The following LRFN5 variants were observed in gnomAD, a reference collection of about 807,000 sequenced individuals.
LRFN5 encodes the protein leucine-rich repeat and fibronectin type-III domain-containing protein 5.
Under a neutral mutation model 45.6 loss-of-function variants are expected in LRFN5, and 24 were observed. That is an observed-to-expected ratio of 0.53 (90% CI 0.38 to 0.74). LRFN5 has a LOEUF of 0.74. Ranked by LOEUF, LRFN5 falls within the 30% of genes least tolerant of loss-of-function variation. The pLI, the probability that LRFN5 is intolerant of heterozygous loss-of-function variation, is 0.00. For synonymous variants in LRFN5, 340 were observed against 313.8 expected (o/e 1.08, Z -0.88); for missense variants, 776 against 861.5 (o/e 0.90, Z 1.24).
chr14:41,624,693 T>C (rs552294034), intron 1 of LRFN5, among the ~76,000 whole-genome samples: 2 of 152,218 alleles, frequency 1.3e-5, no homozygotes, highest in South Asian at 2.1e-4. Flanking sequence ...GGAACCTTAA[T>C]TGAAGTGCAG....
intron 2 of LRFN5, among the ~76,000 whole-genome samples, chr14:41,883,523 C>T (rs1890460857): frequency 6.6e-6 from 1 of 152,124 alleles, no homozygotes; most frequent in Non-Finnish European, 1.5e-5. Context: ...AACTGTTTCT[C>T]TTAAAATTTC....
chr14:41,731,256 T>G (rs1884163805), intron 1 of LRFN5: 1 of 151,132 alleles, frequency 6.6e-6, no homozygotes. Context: ...ATCATATGAA[T>G]TTACGGGATC....
intron 2 of LRFN5, among the ~76,000 whole-genome samples, chr14:41,875,677 GA>G (rs1890161828): frequency 6.6e-6 from 1 of 152,166 alleles, no homozygotes; most frequent in South Asian, 2.1e-4. Flanking sequence ...ACTTACCAAA[GA>G]AAAATGAATG....
intron 2 of LRFN5, among the ~76,000 whole-genome samples, chr14:41,813,865 A>G (rs1205313069): frequency 6.6e-6 from 1 of 151,774 alleles, no homozygotes; most frequent in African/African-American, 2.4e-5. Context: ...TTGCTTCCTG[A>G]CTTTTTAATC....
intron 2 of LRFN5, among the ~76,000 whole-genome samples, chr14:41,801,641 G>T (rs561275624): frequency 6.6e-6 from 1 of 152,122 alleles, no homozygotes; most frequent in African/African-American, 2.4e-5. Context: ...CTTGAATCTC[G>T]CAGCCTGTGC....
intron 2 of LRFN5, among the ~76,000 whole-genome samples, chr14:41,820,824 T>A (rs1888088833): frequency 6.6e-6 from 1 of 152,004 alleles, no homozygotes; most frequent in African/African-American, 2.4e-5. Context: ...ATTGTACAGA[T>A]CTTCACCTCC....
intron 1 of LRFN5, among the ~76,000 whole-genome samples, chr14:41,681,047 A>G (rs1881861657): frequency 6.6e-6 from 1 of 152,080 alleles, no homozygotes; most frequent in Non-Finnish European, 1.5e-5. Context: ...GAGTTTGAAT[A>G]CAGGCTATTT....
chr14:41,671,657 C>G (rs1460525224), intron 1 of LRFN5, among the ~76,000 whole-genome samples: 5 of 85,398 alleles, frequency 5.9e-5, no homozygotes, highest in African/African-American at 2.6e-4. Flanking sequence ...CCTCTTATTG[C>G]CCAGGCTGGA....
At chr14:41,728,084 T>A (rs975765015) in intron 1 of LRFN5, among the ~76,000 whole-genome samples, 1 of 152,160 alleles carries the variant, frequency 6.6e-6, no homozygotes, top group Non-Finnish European at 1.5e-5. Flanking sequence ...CTGGTAATGA[T>A]TTTGGCAATA....
chr14:41,890,372 A>C (rs894972922), intron 3 of LRFN5, among the ~76,000 whole-genome samples: 1 of 152,138 alleles, frequency 6.6e-6, no homozygotes, highest in African/African-American at 2.4e-5. Flanking sequence ...AACGCAGTCC[A>C]AGTGTTGACT....
At chr14:41,892,682 T>C (rs1890825359) in intron 4 of LRFN5, 2 of 985,150 alleles carry the variant, frequency 2.0e-6, no homozygotes, top group Admixed American at 6.2e-5. Context: ...TTAAAATTAG[T>C]TCACTTCTAA....
At chr14:41,659,327 T>G (rs1006575226) in intron 1 of LRFN5, among the ~76,000 whole-genome samples, 1 of 152,060 alleles carries the variant, frequency 6.6e-6, no homozygotes, top group African/African-American at 2.4e-5. Context: ...CTGTGCTACT[T>G]TGCTTAGAGT....
At chr14:41,624,975 G>T (rs1888275677) in intron 1 of LRFN5, among the ~76,000 whole-genome samples, 1 of 151,518 alleles carries the variant, frequency 6.6e-6, no homozygotes, top group Admixed American at 6.6e-5. Context: ...CTAATCATAG[G>T]CAATCAATTG....
intron 1 of LRFN5, among the ~76,000 whole-genome samples, chr14:41,706,775 A>G (rs1164400855): frequency 1.3e-5 from 2 of 152,178 alleles, no homozygotes; most frequent in East Asian, 3.8e-4. Flanking sequence ...ATTTAGTTGC[A>G]TTAAATAAAA....
intron 2 of LRFN5, among the ~76,000 whole-genome samples, chr14:41,799,863 C>G (rs1887263809): frequency 6.6e-6 from 1 of 151,380 alleles, no homozygotes; most frequent in African/African-American, 2.4e-5. Context: ...TCCTAAAAAT[C>G]CTCTTTATAA....
At chr14:41,856,785 T>G (rs1207291317) in intron 2 of LRFN5, among the ~76,000 whole-genome samples, 1 of 143,184 alleles carries the variant, frequency 7.0e-6, no homozygotes, top group African/African-American at 2.6e-5. Context: ...CACGCCATTC[T>G]CCTGCCTCAG....
chr14:41,744,334 G>T (rs1486968118), intron 1 of LRFN5, among the ~76,000 whole-genome samples: 2 of 151,838 alleles, frequency 1.3e-5, no homozygotes, highest in Non-Finnish European at 2.9e-5. Context: ...TCCCAGCCCG[G>T]GTGACCGAAT....
At chr14:41,797,542 C>T (rs946780645) in intron 2 of LRFN5, among the ~76,000 whole-genome samples, 1 of 151,390 alleles carries the variant, frequency 6.6e-6, no homozygotes, top group Non-Finnish European at 1.5e-5. Context: ...CTTTTTCTTT[C>T]TTTCTTAAAG....
intron 2 of LRFN5, among the ~76,000 whole-genome samples, chr14:41,843,585 T>C (rs1182582783): frequency 6.6e-6 from 1 of 152,180 alleles, no homozygotes; most frequent in Non-Finnish European, 1.5e-5. Context: ...TTCAAATCAG[T>C]CTTTGTGTAT....
Sources: allele counts gnomAD v4.1 joint callset (sites outside exome capture counted in the v4.1 genomes callset), GRCh38; gene constraint gnomAD v4.1.1; transcripts MANE v1.5; gene names NCBI Gene and HGNC (gene_info 2026-07-23, HGNC 2026-07-21).